Variants in TRIM17 observed in about 807,000 individuals in gnomAD.
The protein encoded by TRIM17 is E3 ubiquitin-protein ligase TRIM17.
A neutral mutation model predicts 35.8 loss-of-function variants in TRIM17; 27 were observed. The ratio of observed to expected loss-of-function variants is 0.75; its 90% CI spans 0.56 to 1.04. TRIM17 has a LOEUF of 1.04. Ranked by LOEUF, TRIM17 falls within the 50% of genes least tolerant of loss-of-function variation. The pLI is 0.00. For synonymous variants in TRIM17, 246 were observed against 252.6 expected (o/e 0.97, Z 0.25); for missense variants, 582 against 612.8 (o/e 0.95, Z 0.53).
In TRIM17 at chr1:228,408,664, T is replaced by G. The variant is rs754444014; in HGVS notation, c.971A>C (p.Glu324Ala). The G allele has an allele frequency of 6.2e-7, 1 of 1,612,166 alleles. No individual in the cohort carries two copies. Among genetic ancestry groups the G allele is most frequent in the South Asian group, 1.1e-5 (1 of 91,084 alleles). ...GTCCTTGCTGCAGAACCCACTGCCC[T>G]CCGGCGAAGAGCCGAGGTAGCGCCT... is the stretch of plus-strand genomic sequence containing the variant. ...RQRRYLGSSPEGSGFCSKDRF... is the reference protein window; with the variant it reads ...RQRRYLGSSPAGSGFCSKDRF... The change falls in exon 7 of 7, where the codon GAG becomes GCG. Residue 324 changes from glutamate (E) to alanine (A), a missense_variant. By Grantham distance (107) the Glu-to-Ala change is moderately radical (BLOSUM62 -1). Coordinates refer to ENST00000366698, the MANE Select transcript of TRIM17 (RefSeq NM_016102.4). This position sits in a 1 kb window ranked among gnomAD's most constrained non-coding sequence, Gnocchi z 6.3.
Position 228,415,042 on chromosome 1 carries a change from G to T in TRIM17, c.31C>A (p.Gln11Lys), listed in dbSNP as rs1282037105. The change falls in exon 2 of 7, where the codon CAG becomes AAG. Residue 11 changes from glutamine to lysine, a missense_variant. Physicochemically the swap from Gln to Lys is moderately conservative, Grantham distance 53. Transcript: ENST00000366698. Reference sequence around the variant, plus strand: ...CAGATGGAGCACGTAGCTTCCTCCTGCAGTTTTCTGGCGAGTTCCACAGCC... The same window carrying T: ...CAGATGGAGCACGTAGCTTCCTCCTTCAGTTTTCTGGCGAGTTCCACAGCC... MEAVELARKL[Q>K]EEATCSICLD... 6.2e-6 allele frequency: 10 copies of T among 1,607,194 alleles called. No individual in the cohort carries two copies. The highest frequency in any genetic ancestry group is 8.5e-6 in the Non-Finnish European group (10 of 1,175,220).
intron 6 of TRIM17, 72 bp downstream of exon 6, chr1:228,409,100 A>T (rs1231924255): frequency 1.2e-6 from 2 of 1,613,766 alleles, no homozygotes; most frequent in South Asian, 2.2e-5. Context: ...GTGGCTTCCG[A>T]GGCTAGGGGG....
rs1558453309 is a variant in TRIM17 at position 228,408,658 on chromosome 1, C to G, written c.977G>C (p.Ser326Thr). Residue 326 changes from serine to threonine, a missense_variant, in exon 7 of 7, where the codon AGT (serine) becomes ACT (threonine). Physicochemically the swap from Ser to Thr is moderately conservative, Grantham distance 58. Transcript: ENST00000366698. The surrounding 1 kb of genome is among the most constrained non-coding windows in gnomAD (Gnocchi z 6.3). ...AAATCGGTCCTTGCTGCAGAACCCA[C>G]TGCCCTCCGGCGAAGAGCCGAGGTA... ...RRYLGSSPEG[S>T]GFCSKDRFVA... 6.2e-7 allele frequency: 1 copy of G among 1,612,680 alleles called. No individual in the cohort carries two copies. The highest frequency in any genetic ancestry group is 1.1e-5 in the South Asian group (1 of 91,090).
chr1:228,413,211 CAA>C (rs59069528), intron 3 of TRIM17, among the ~76,000 whole-genome samples: 4,671 of 103,900 alleles, frequency 0.045, 123 homozygotes, highest in African/African-American at 0.1. Context: ...AACTCCATCT[CAA>C]AAAAAAAAAA....
chr1:228,415,017 C>A lies in TRIM17; in HGVS notation c.56G>T (p.Cys19Phe), dbSNP rs139410314. The A allele has an allele frequency of 1.2e-6, 2 of 1,611,618 alleles. No individual in the cohort carries two copies. The highest frequency in any genetic ancestry group is 1.7e-6 in the Non-Finnish European group (2 of 1,178,874). Residue 19 changes from cysteine to phenylalanine, a missense_variant, in exon 2 of 7, where the codon TGT becomes TTT. By Grantham distance (205) the Cys-to-Phe change is radical. Transcript: ENST00000366698. ...CACAGGGTCTGTGAAGTAATCCAGA[C>A]AGATGGAGCACGTAGCTTCCTCCTG... ...KLQEEATCSI[C>F]LDYFTDPVMT...
Position 228,414,848 on chromosome 1 carries a change from C to T in TRIM17, c.225G>A (p.Leu75=), listed in dbSNP as rs772986819. ...CREMSPQRNL[L]PNRLLTKVAE... ...CCACCTTGGTCAGCAGCCGGTTGGGCAGCAGGTTCCTCTGCGGGGACATCT... is the reference window on the plus strand; with the variant it reads ...CCACCTTGGTCAGCAGCCGGTTGGGTAGCAGGTTCCTCTGCGGGGACATCT... Residue 75 remains leucine, a synonymous_variant, in exon 2 of 7, where the codon CTG becomes CTA. Transcript: ENST00000366698. 1 of 1,613,660 alleles carries T rather than the reference C, an allele frequency of 6.2e-7. No individual in the cohort carries two copies. Among genetic ancestry groups the T allele is most frequent in the Non-Finnish European group, 8.5e-7 (1 of 1,180,036 alleles).
Position 228,408,430 on chromosome 1 carries a change from G to T in TRIM17, c.1205C>A (p.Thr402Asn). The T allele has an allele frequency of 6.2e-7, 1 of 1,614,208 alleles. No homozygotes were observed. Among genetic ancestry groups the T allele is most frequent in the Non-Finnish European group, 8.5e-7 (1 of 1,180,028 alleles). The change falls in exon 7 of 7, where the codon ACC becomes AAC. Residue 402 changes from threonine (T) to asparagine (N), a missense_variant. Physicochemically the swap from Thr to Asn is moderately conservative, Grantham distance 65 (BLOSUM62 0). Coordinates refer to ENST00000366698, the MANE Select transcript of TRIM17 (RefSeq NM_016102.4). The surrounding 1 kb of genome is among the most constrained non-coding windows in gnomAD (Gnocchi z 6.3). ...QLSKGTKYLS[T>N]FSALTPVMLM... ...CATGACCGGGGTTAGGGCAGAGAAG[G>T]TGGATAAGTACTTGGTCCCCTTGGA...
rs1435634605 is a variant in TRIM17 at position 228,413,878 on chromosome 1, C to A, written c.444G>T (p.Glu148Asp). Reference protein sequence around the residue: ...AVQGYKLKLEEDMEYLREQIT... With the variant: ...AVQGYKLKLEDDMEYLREQIT... The stretch of plus-strand genomic sequence containing the variant: ...TCTGCTCCCGAAGGTACTCCATGTC[C>A]TCCTCCAGCTTCAACTGTGGGACAC... The change falls in exon 3 of 7, where the codon GAG becomes GAT. Residue 148 changes from glutamate to aspartate, a missense_variant. Coordinates refer to ENST00000366698, the MANE Select transcript of TRIM17 (RefSeq NM_016102.4). The A allele has an allele frequency of 6.2e-7, 1 of 1,614,038 alleles. No homozygotes were observed. Among genetic ancestry groups the A allele is most frequent in the Non-Finnish European group, 8.5e-7 (1 of 1,179,994 alleles).
intron 4 of TRIM17, chr1:228,409,676 C>T (rs1051731087): frequency 3.1e-5 from 13 of 420,940 alleles, no homozygotes; most frequent in Non-Finnish European, 3.8e-5. Flanking sequence ...TCAGGAGAGG[C>T]GGAGGGACCC....
At chr1:228,413,091 G>A (rs1656873903) in intron 3 of TRIM17, among the ~76,000 whole-genome samples, 1 of 151,450 alleles carries the variant, frequency 6.6e-6, no homozygotes, top group Admixed American at 6.6e-5. Context: ...GGCACCTATA[G>A]TCCCAGCTGC....
Position 228,413,792 on chromosome 1 carries a change from C to T in TRIM17, c.525+5G>A, listed in dbSNP as rs775845019. On this transcript the variant is annotated splice_donor_5th_base_variant and intron_variant, in intron 3 of 6. Coordinates refer to ENST00000366698, the MANE Select transcript of TRIM17 (RefSeq NM_016102.4). ...GAAAGGGACTGGACAGCCCTGGGCA[C>T]CCACCTGCCACTCGGCTAAGCTCTG... 2.2e-5 allele frequency: 36 copies of T among 1,612,892 alleles called. No individual in the cohort carries two copies. The highest frequency in any genetic ancestry group is 2.9e-5 in the Non-Finnish European group (34 of 1,179,062).
Position 228,413,711 on chromosome 1 carries a change from C to T in TRIM17, c.525+86G>A, listed in dbSNP as rs955587550. The T allele has an allele frequency of 3.6e-6, 4 of 1,123,760 alleles. No individual in the cohort carries two copies. The African/African-American group carries it at 4.6e-5, about 13-fold the overall frequency. 69.6% of individuals were successfully genotyped at this position (1,123,760 alleles called of 1,614,324 possible). ...TCTTCTTTTCCTGCCACTGCGGCAG[C>T]ATATCCCCACGGGCAGACACAGACG... On this transcript the variant is annotated intron_variant, in intron 3 of 6. Coordinates refer to ENST00000366698, the MANE Select transcript of TRIM17 (RefSeq NM_016102.4).
At chr1:228,415,180 C>T in intron 1 of TRIM17, 67 bp from the exon 2 acceptor site, 2 of 1,301,142 alleles carry the variant, frequency 1.5e-6, no homozygotes, top group Non-Finnish European at 1.0e-6. Context: ...TCCTGTACAG[C>T]CTCCCTTTAC....
At position 228,408,867 on chromosome 1, in the gene TRIM17, A is replaced by C; in HGVS notation, c.884-116T>G. 5.4e-6 allele frequency: 8 copies of C among 1,488,906 alleles called. No homozygotes were observed. Among genetic ancestry groups the C allele is most frequent in the Non-Finnish European group, 6.2e-6 (7 of 1,120,982 alleles). 92.2% of individuals were successfully genotyped at this position (1,488,906 alleles called of 1,614,324 possible). A position where few individuals can be genotyped will look rare whatever the true frequency, so the allele number is the denominator to read the frequency against. ...GGCCAATGGTCCCCTAACTCCGCAG[A>C]GGCCTCCCCTGCTGTGAATCTGGGG... is the stretch of plus-strand genomic sequence containing the variant. On this transcript the variant is annotated intron_variant, in intron 6 of 6. Transcript: ENST00000366698. This position sits in a 1 kb window ranked among gnomAD's most constrained non-coding sequence, Gnocchi z 6.3.
Position 228,411,047 on chromosome 1 carries a change from G to A in TRIM17, c.655C>T (p.Arg219Trp), listed in dbSNP as rs370542653. The A allele has an allele frequency of 2.5e-5, 41 of 1,613,512 alleles. 1 individual carries two copies. The highest frequency in any genetic ancestry group is 1.1e-4 in the South Asian group (10 of 91,074). ...CGGTCCAGGCAGGCCACGCTCTCCC[G>A]GAGCCTGCTGGCAGTCTCCTCTTCT... ...TEEEETASRL[R>W]ESVACLDRQG... Residue 219 changes from arginine (R) to tryptophan (W), a missense_variant, in exon 4 of 7, where the codon CGG becomes TGG. Physicochemically the swap from Arg to Trp is moderately radical, Grantham distance 101. Transcript: ENST00000366698. This position sits in a 1 kb window ranked among gnomAD's most constrained non-coding sequence, Gnocchi z 4.2.
chr1:228,410,920 C>T lies in TRIM17; in HGVS notation c.756+26G>A. On this transcript the variant is annotated intron_variant, in intron 4 of 6. Coordinates refer to ENST00000366698, the MANE Select transcript of TRIM17 (RefSeq NM_016102.4). This position sits in a 1 kb window ranked among gnomAD's most constrained non-coding sequence, Gnocchi z 4.6. ...ATGCCTGTCAGAGCTCACATCCCAC[C>T]CTGCCTGCCAAGCCTACTGGCTCAC... 1 of 1,470,170 alleles carries T rather than the reference C, an allele frequency of 6.8e-7. No homozygotes were observed. 91.1% of individuals were successfully genotyped at this position (1,470,170 alleles called of 1,614,324 possible).
rs1656611267 is a variant in TRIM17, at chr1:228,408,891, G to T, written c.884-140C>A. The T allele has an allele frequency of 6.8e-7, 1 of 1,479,198 alleles. No homozygotes were observed. Among genetic ancestry groups the T allele is most frequent in the Admixed American group, 2.4e-5 (1 of 41,918 alleles). The allele number at this position is 1,479,198 out of a possible 1,614,324, so 91.6% of individuals were successfully genotyped here. A position where few individuals can be genotyped will look rare whatever the true frequency, so the allele number is the denominator to read the frequency against. On this transcript the variant is annotated intron_variant, in intron 6 of 6. Coordinates refer to ENST00000366698, the MANE Select transcript of TRIM17 (RefSeq NM_016102.4). The surrounding 1 kb of genome is among the most constrained non-coding windows in gnomAD (Gnocchi z 6.3). Reference sequence around the variant, plus strand: ...GAGGCCTCCCCTGCTGTGAATCTGGGGTTACTTGATGCTTCCACACACCAA... The same window carrying T: ...GAGGCCTCCCCTGCTGTGAATCTGGTGTTACTTGATGCTTCCACACACCAA...
intron 5 of TRIM17, 32 bp downstream of exon 5, chr1:228,409,357 T>C (rs376356257): frequency 3.6e-6 from 4 of 1,100,866 alleles, no homozygotes; most frequent in South Asian, 2.5e-5. Flanking sequence ...CCGCTGCCAC[T>C]GCCCCCGCCC....
Position 228,414,690 on chromosome 1 carries a change from C to T in TRIM17, c.383G>A (p.Arg128Gln), listed in dbSNP as rs761601739. ...CVVCRESREH[R>Q]LHRVLPAEEA... ...CTCGGCGGGCAGCACCCTGTGCAGC[C>T]GGTGCTCCCGGGACTCCCTGCACAC... The change falls in exon 2 of 7, where the codon CGG (arginine) becomes CAG (glutamine). Residue 128 changes from arginine to glutamine, a missense_variant. Arg to Gln is a conservative substitution (Grantham distance 43). Coordinates refer to ENST00000366698, the MANE Select transcript of TRIM17 (RefSeq NM_016102.4). The T allele has an allele frequency of 9.9e-6, 16 of 1,611,832 alleles. No individual in the cohort carries two copies. In the Admixed American group the frequency reaches 1.3e-4, roughly 13 times the overall value.
Sources: gnomAD v4.1 joint callset for allele counts (sites outside exome capture counted in the v4.1 genomes callset) on GRCh38, gnomAD v4.1.1 for gene constraint, Gnocchi (gnomAD v3.1) non-coding constraint, MANE v1.5 for transcripts, NCBI Gene and HGNC (gene_info 2026-07-23, HGNC 2026-07-21) for gene names.